The following LHX8 variants were observed in gnomAD, a reference collection of about 807,000 sequenced individuals.
LHX8 encodes the protein LIM/homeobox protein Lhx8.
LHX8 carries 12 observed loss-of-function variants against 40.3 expected under a neutral mutation model. That is an observed-to-expected ratio of 0.30 (90% confidence interval 0.19 to 0.48). The LOEUF (loss-of-function observed/expected upper bound fraction) is 0.48, where lower values mean the gene tolerates loss of function less well. LHX8 is among the 20% of genes least tolerant of loss of function. The pLI is 0.99. For missense variants in LHX8, 344 were observed against 433.7 expected, an observed-to-expected ratio of 0.79 and a Z score of 1.84; for synonymous variants, 179 against 162.0, an observed-to-expected ratio of 1.10 and a Z score of -0.80.
the LHX8 span, among the ~76,000 whole-genome samples, chr1:75,183,750 T>C: frequency 6.6e-6 from 1 of 152,124 alleles, no homozygotes; most frequent in Non-Finnish European, 1.5e-5. Context: ...AACAACAGAA[T>C]GACAGGATCA....
At chr1:75,192,746 G>A in the LHX8 span, among the ~76,000 whole-genome samples, 3 of 152,134 alleles carry the variant, frequency 2.0e-5, no homozygotes, top group Non-Finnish European at 4.4e-5. Flanking sequence ...AGGCTGGAGT[G>A]CAGTGGTGTG....
At position 75,148,695 on chromosome 1, in the gene LHX8, C is replaced by T; in HGVS notation, c.780+13C>T. The T allele has an allele frequency of 2.2e-6, 3 of 1,339,590 alleles. No individual in the cohort carries two copies. Among genetic ancestry groups the T allele is most frequent in the Non-Finnish European group, 3.1e-6 (3 of 955,068 alleles). The allele number at this position is 1,339,590 out of a possible 1,614,324, so 83.0% of individuals were successfully genotyped here. Reference sequence around the variant, plus strand: ...ACGTGTGATACAGGTGATTACTTTACTTTTTTTTTTTTTTAAGGTTTTTAA... The same window carrying T: ...ACGTGTGATACAGGTGATTACTTTATTTTTTTTTTTTTTTAAGGTTTTTAA... On this transcript the variant is annotated intron_variant, in intron 7 of 8. Coordinates refer to ENST00000356261, the MANE Select transcript of LHX8 (RefSeq NM_001256114.2).
intron 3 of LHX8, among the ~76,000 whole-genome samples, chr1:75,140,254 T>C (rs1028312076): frequency 2.0e-5 from 3 of 152,248 alleles, no homozygotes; most frequent in Admixed American, 6.5e-5. Context: ...TTTTACTACT[T>C]GAAGTGTAAG....
upstream of LHX8, among the ~76,000 whole-genome samples, chr1:75,133,298 A>C (rs1231939298): frequency 6.6e-6 from 1 of 151,268 alleles, no homozygotes; most frequent in East Asian, 2.1e-4. Context: ...CCAGACTCTT[A>C]CACAGGCTCA....
At chr1:75,164,726 C>CTTTTT (rs201120196), downstream of LHX8, among the ~76,000 whole-genome samples, 5 of 135,308 alleles carry the variant, frequency 3.7e-5, no homozygotes, top group African/African-American at 1.3e-4. Flanking sequence ...AACCAGTATC[C>CTTTTT]TTTTTTTTTT....
At position 75,160,908 on chromosome 1, in the gene LHX8, G is replaced by T; in HGVS notation, c.*13G>T. 6.4e-7 allele frequency: 1 copy of T among 1,562,734 alleles called. No homozygotes were observed. ...AAGTCATACCTAATTCTTTTTTCAG[G>T]GATAGACTTGATTAAGGATATAAAT... On this transcript the variant is annotated 3_prime_UTR_variant, in exon 9 of 9. Transcript: ENST00000356261.
intron 7 of LHX8, among the ~76,000 whole-genome samples, chr1:75,154,279 A>T (rs1395476521): frequency 6.7e-6 from 1 of 149,974 alleles, no homozygotes; most frequent in Non-Finnish European, 1.5e-5. Context: ...GTTTTTGCAA[A>T]CCTCCTTCTG....
intron 1 of LHX8, among the ~76,000 whole-genome samples, 183 bp from the exon 2 acceptor site, chr1:75,136,420 G>C (rs1409325912): frequency 6.6e-6 from 1 of 151,668 alleles, no homozygotes; most frequent in African/African-American, 2.4e-5. Flanking sequence ...CCAGCGGCCA[G>C]CGAAGGAGGC....
chr1:75,148,209 G>A (rs1278787394), intron 6 of LHX8, among the ~76,000 whole-genome samples: 1 of 152,178 alleles, frequency 6.6e-6, no homozygotes, highest in Non-Finnish European at 1.5e-5. Context: ...GGAGACAAAT[G>A]TGATATGATT....
intron 4 of LHX8, 55 bp downstream of exon 4, chr1:75,141,161 G>T: frequency 1.3e-6 from 2 of 1,582,880 alleles, no homozygotes; most frequent in Non-Finnish European, 8.6e-7. Context: ...TATGCAAAGA[G>T]ACTTTTGTAA....
chr1:75,179,502 G>GTTTTTTTTTTT, the LHX8 span, among the ~76,000 whole-genome samples: 4 of 108,474 alleles, frequency 3.7e-5, no homozygotes, highest in Admixed American at 1.0e-4. Context: ...AACCCCTGTT[G>GTTTTTTTTTTT]TTTTTTTTTT....
the LHX8 span, among the ~76,000 whole-genome samples, chr1:75,190,881 AT>A: frequency 1.3e-5 from 2 of 152,204 alleles, no homozygotes; most frequent in African/African-American, 4.8e-5. Flanking sequence ...ATATTAGCAT[AT>A]TTACTTAATA....
the LHX8 span, among the ~76,000 whole-genome samples, chr1:75,195,103 A>G: frequency 1.3e-5 from 2 of 152,164 alleles, no homozygotes; most frequent in African/African-American, 4.8e-5. Flanking sequence ...TATAATTTGT[A>G]TCTCTCTACT....
the LHX8 span, among the ~76,000 whole-genome samples, chr1:75,197,298 C>T: frequency 6.6e-6 from 1 of 152,106 alleles, no homozygotes; most frequent in African/African-American, 2.4e-5. Flanking sequence ...CTCTCTATCA[C>T]TTAAAGTGCT....
At chr1:75,136,191 C>T (rs1043936471) in intron 1 of LHX8, among the ~76,000 whole-genome samples, 2 of 152,050 alleles carry the variant, frequency 1.3e-5, no homozygotes, top group East Asian at 1.9e-4. Context: ...CTCTTTTCTT[C>T]TCTCGCACTC....
chr1:75,164,759 G>A (rs533503733), downstream of LHX8, among the ~76,000 whole-genome samples: 2 of 140,778 alleles, frequency 1.4e-5, no homozygotes, highest in South Asian at 2.2e-4. Flanking sequence ...GCAGAGCCTC[G>A]CTGTGTTCCA....
chr1:75,196,391 G>T, the LHX8 span, among the ~76,000 whole-genome samples: 1 of 152,092 alleles, frequency 6.6e-6, no homozygotes, highest in African/African-American at 2.4e-5. Flanking sequence ...GGGTGGTACT[G>T]GCAGGAATTT....
the LHX8 span, among the ~76,000 whole-genome samples, chr1:75,178,599 T>C: frequency 1.3e-5 from 2 of 152,190 alleles, no homozygotes; most frequent in Non-Finnish European, 2.9e-5. Context: ...GTCTATCAAT[T>C]TGTTGATCTT....
the LHX8 span, among the ~76,000 whole-genome samples, chr1:75,182,764 T>C: frequency 2.0e-5 from 3 of 152,176 alleles, no homozygotes; most frequent in Admixed American, 6.5e-5. Flanking sequence ...TGCCTCTAGG[T>C]TTGTTCTTTT....
Sources: allele counts gnomAD v4.1 joint callset (sites outside exome capture counted in the v4.1 genomes callset), GRCh38; gene constraint gnomAD v4.1.1; transcripts MANE v1.5; gene names NCBI Gene and HGNC (gene_info 2026-07-23, HGNC 2026-07-21).